The following INHBB variants were observed in gnomAD, a reference collection of about 807,000 sequenced individuals.
The protein encoded by INHBB is inhibin beta B chain.
In INHBB, 8 loss-of-function variants were observed where a neutral mutation model predicts 28.9. The observed-to-expected ratio is 0.28, with a 90% CI of 0.16 to 0.50. The LOEUF (loss-of-function observed/expected upper bound fraction) is 0.50, where lower values mean the gene tolerates loss of function less well. INHBB is among the 20% of genes least tolerant of loss of function. The pLI, the probability that INHBB is intolerant of heterozygous loss-of-function variation, is 0.98. For synonymous variants in INHBB, 293 were observed against 262.7 expected, an observed-to-expected ratio of 1.12 and a Z score of -1.12; for missense variants, 499 against 597.8, an observed-to-expected ratio of 0.83 and a Z score of 1.72.
intron 1 of INHBB, 123 bp downstream of exon 1, chr2:120,346,759 C>G: frequency 1.0e-6 from 1 of 993,034 alleles, no homozygotes; most frequent in South Asian, 2.2e-5. Flanking sequence ...CCTGGACTCC[C>G]GGCAGAGCTC....
In INHBB at chr2:120,351,159, G is replaced by A. The variant is rs1401625016; in HGVS notation, c.*1285G>A. 2.0e-5 allele frequency: 3 copies of A among 152,658 alleles called. No individual in the cohort carries two copies. Among genetic ancestry groups the A allele is most frequent in the African/African-American group, 7.2e-5 (3 of 41,448 alleles). The allele number at this position is 152,658 out of a possible 1,614,324, so 9.5% of individuals were successfully genotyped here. On this transcript the variant is annotated 3_prime_UTR_variant, in exon 2 of 2. Transcript: ENST00000295228. The stretch of plus-strand genomic sequence containing the variant: ...CTGCGTGTGTCCAGAAGTGGCCCTT[G>A]GCCGAGCGCCGAACTCGCTCGCCCT...
intron 1 of INHBB, among the ~76,000 whole-genome samples, chr2:120,346,847 A>T (rs1691165030): frequency 6.6e-6 from 1 of 152,040 alleles, no homozygotes; most frequent in African/African-American, 2.4e-5. Flanking sequence ...CTGCTGCCTC[A>T]ACCCCCCGCC....
At position 120,349,733 on chromosome 2, in the gene INHBB, G is replaced by A. The variant is rs780277529; in HGVS notation, c.1083G>A (p.Arg361=). ...HTAVVNQYRM[R]GLNPGTVNSC... is the part of the protein sequence containing the mutation. ...CTGTGGTGAACCAGTACCGCATGCG[G>A]GGTCTGAACCCCGGCACGGTGAACT... The change falls in exon 2 of 2, where the codon CGG becomes CGA. Residue 361 remains arginine, a synonymous_variant. Coordinates refer to ENST00000295228, the MANE Select transcript of INHBB (RefSeq NM_002193.4). This position sits in a 1 kb window ranked among gnomAD's most constrained non-coding sequence, Gnocchi z 5.6. 1.2e-6 allele frequency: 2 copies of A among 1,613,792 alleles called. No homozygotes were observed. Among genetic ancestry groups the A allele is most frequent in the South Asian group, 2.2e-5 (2 of 91,086 alleles).
rs1354299990 is a variant in INHBB, at chr2:120,346,167, C to T, written c.-22C>T. The T allele has an allele frequency of 8.8e-7, 1 of 1,137,608 alleles. No individual in the cohort carries two copies. 70.5% of individuals were successfully genotyped at this position (1,137,608 alleles called of 1,614,324 possible). On this transcript the variant is annotated 5_prime_UTR_variant, in exon 1 of 2. Transcript: ENST00000295228. Reference sequence around the variant, plus strand: ...GACTCGGCTCGCCTCGCGGCGGGCGCCCTCGTCGCCAGCGGCGCACCATGG... The same window carrying T: ...GACTCGGCTCGCCTCGCGGCGGGCGTCCTCGTCGCCAGCGGCGCACCATGG...
chr2:120,346,675 T>C (rs748479413), intron 1 of INHBB, 39 bp downstream of exon 1: 1 of 1,385,586 alleles, frequency 7.2e-7, no homozygotes, highest in Admixed American at 3.5e-5. Flanking sequence ...CGGTCCCCGC[T>C]CGCTCCCGCT....
chr2:120,346,328 C>G lies in INHBB; in HGVS notation c.140C>G (p.Ser47Cys). 1 of 1,390,448 alleles carries G rather than the reference C, an allele frequency of 7.2e-7. No homozygotes were observed. Among genetic ancestry groups the G allele is most frequent in the Non-Finnish European group, 9.3e-7 (1 of 1,078,752 alleles). The allele number at this position is 1,390,448 out of a possible 1,614,324, so 86.1% of individuals were successfully genotyped here. ...CCGCCGCCACCCCCGCCACCCGGAT[C>G]CCCGGGTGGCTCGCAGGACACCTGT... ...AAPPPPPPPGSPGGSQDTCTS... is the reference protein window; with the variant it reads ...AAPPPPPPPGCPGGSQDTCTS... Residue 47 changes from serine (S) to cysteine (C), a missense_variant, in exon 1 of 2, where the codon TCC becomes TGC. Ser to Cys is a moderately radical substitution (Grantham distance 112). Coordinates refer to ENST00000295228, the MANE Select transcript of INHBB (RefSeq NM_002193.4).
intron 1 of INHBB, among the ~76,000 whole-genome samples, chr2:120,347,395 G>GC (rs11354431): frequency 0.032 from 4,193 of 130,488 alleles, 85 homozygotes; most frequent in East Asian, 0.065. Context: ...TCTGGAATCC[G>GC]CCCCCCCCCC....
chr2:120,349,908 G>T lies in INHBB; in HGVS notation c.*34G>T. ...GGCAGGGGCACGGTGGTGGGGCACG[G>T]AGGGCAGTCCCGGGTGGGCTTCTTC... On this transcript the variant is annotated 3_prime_UTR_variant, in exon 2 of 2. Transcript: ENST00000295228. This position sits in a 1 kb window ranked among gnomAD's most constrained non-coding sequence, Gnocchi z 5.6. The T allele has an allele frequency of 1.3e-6, 2 of 1,582,482 alleles. No individual in the cohort carries two copies. Among genetic ancestry groups the T allele is most frequent in the South Asian group, 1.2e-5 (1 of 85,944 alleles).
In INHBB at chr2:120,349,959, CGGT is replaced by C. The variant is rs1691231871; in HGVS notation, c.*88_*90del. The C allele has an allele frequency of 7.4e-7, 1 of 1,351,280 alleles. No individual in the cohort carries two copies. The highest frequency in any genetic ancestry group is 2.0e-5 in the Admixed American group (1 of 48,922). The allele number at this position is 1,351,280 out of a possible 1,614,324, so 83.7% of individuals were successfully genotyped here. On this transcript the variant is annotated 3_prime_UTR_variant, in exon 2 of 2. Transcript: ENST00000295228. This position sits in a 1 kb window ranked among gnomAD's most constrained non-coding sequence, Gnocchi z 5.6. Reference sequence around the variant, plus strand: ...CAGCCCCCGCGGGAACGGGGGTACACGGTGGGCTGAGTACAGTCATTCTGTTGG... The same window carrying C: ...CAGCCCCCGCGGGAACGGGGGTACACGGGCTGAGTACAGTCATTCTGTTGG...
chr2:120,346,550 T>C lies in INHBB; in HGVS notation c.362T>C (p.Val121Ala). 6.6e-7 allele frequency: 1 copy of C among 1,511,546 alleles called. No homozygotes were observed. The highest frequency in any genetic ancestry group is 8.8e-7 in the Non-Finnish European group (1 of 1,136,936). The allele number at this position is 1,511,546 out of a possible 1,614,324, so 93.6% of individuals were successfully genotyped here. ...GGCAAGGTGCGCGAGGACGGCCGCG[T>C]GGAGATCCCGCACCTCGACGGCCAC... Reference protein sequence around the residue: ...HAGKVREDGRVEIPHLDGHAS... With the variant: ...HAGKVREDGRAEIPHLDGHAS... Residue 121 changes from valine to alanine, a missense_variant, in exon 1 of 2, where the codon GTG becomes GCG. This residue lies in a region of INHBB where 385 missense variants were observed against 415.2 expected (regional missense o/e 0.93). Coordinates refer to ENST00000295228, the MANE Select transcript of INHBB (RefSeq NM_002193.4).
intron 1 of INHBB, among the ~76,000 whole-genome samples, chr2:120,346,861 G>A (rs1691165424): frequency 6.6e-6 from 1 of 152,200 alleles, no homozygotes; most frequent in Admixed American, 6.5e-5. Flanking sequence ...CCCCGCCGCC[G>A]ATCGCCTGGC....
intron 1 of INHBB, among the ~76,000 whole-genome samples, 195 bp downstream of exon 1, chr2:120,346,831 C>G (rs953115757): frequency 2.0e-5 from 3 of 152,216 alleles, no homozygotes; most frequent in African/African-American, 7.2e-5. Flanking sequence ...GGCCGCAGAC[C>G]CTTGCCTGCT....
chr2:120,349,983 G>T lies in INHBB; in HGVS notation c.*109G>T, dbSNP rs1251756787. On this transcript the variant is annotated 3_prime_UTR_variant, in exon 2 of 2. Transcript: ENST00000295228. This position sits in a 1 kb window ranked among gnomAD's most constrained non-coding sequence, Gnocchi z 5.6. ...ACGGTGGGCTGAGTACAGTCATTCTGTTGGGCTGTGGAGATAGTGCCAGGG... is the reference window on the plus strand; with the variant it reads ...ACGGTGGGCTGAGTACAGTCATTCTTTTGGGCTGTGGAGATAGTGCCAGGG... 1.8e-6 allele frequency: 2 copies of T among 1,117,600 alleles called. No homozygotes were observed. Among genetic ancestry groups the T allele is most frequent in the Non-Finnish European group, 2.5e-6 (2 of 786,302 alleles). 69.2% of individuals were successfully genotyped at this position (1,117,600 alleles called of 1,614,324 possible).
rs1049976938 is a variant in INHBB, at chr2:120,349,929, T to G, written c.*55T>G. The G allele has an allele frequency of 1.3e-6, 2 of 1,549,648 alleles. No homozygotes were observed. Among genetic ancestry groups the G allele is most frequent in the Non-Finnish European group, 1.8e-6 (2 of 1,139,870 alleles). On this transcript the variant is annotated 3_prime_UTR_variant, in exon 2 of 2. Transcript: ENST00000295228. This position sits in a 1 kb window ranked among gnomAD's most constrained non-coding sequence, Gnocchi z 5.6. ...CACGGAGGGCAGTCCCGGGTGGGCTTCTTCCAGCCCCCGCGGGAACGGGGG... is the reference window on the plus strand; with the variant it reads ...CACGGAGGGCAGTCCCGGGTGGGCTGCTTCCAGCCCCCGCGGGAACGGGGG...
chr2:120,351,392 T>TAGC lies in INHBB; in HGVS notation c.*1523_*1525dup, dbSNP rs2104576253. The TAGC allele has an allele frequency of 7.3e-6, 1 of 137,654 alleles. No homozygotes were observed. The highest frequency in any genetic ancestry group is 7.1e-5 in the Admixed American group (1 of 14,078). 8.5% of individuals were successfully genotyped at this position (137,654 alleles called of 1,614,324 possible). ...GCCATTTGAAAAAAAGTTATTTTTA[T>TAGC]AGCAGCAAAAAAAAAAAAAAAAGAA... is the stretch of plus-strand genomic sequence containing the variant. On this transcript the variant is annotated 3_prime_UTR_variant, in exon 2 of 2. Transcript: ENST00000295228.
chr2:120,346,762 C>T, intron 1 of INHBB, 126 bp downstream of exon 1: 3 of 984,622 alleles, frequency 3.0e-6, no homozygotes, highest in Non-Finnish European at 4.1e-6. Context: ...GGACTCCCGG[C>T]AGAGCTCCTT....
At position 120,346,575 on chromosome 2, in the gene INHBB, C is replaced by G; in HGVS notation, c.387C>G (p.His129Gln). 1.4e-6 allele frequency: 2 copies of G among 1,471,610 alleles called. No homozygotes were observed. Among genetic ancestry groups the G allele is most frequent in the Non-Finnish European group, 1.8e-6 (2 of 1,119,234 alleles). The allele number at this position is 1,471,610 out of a possible 1,614,324, so 91.2% of individuals were successfully genotyped here. A position where few individuals can be genotyped will look rare whatever the true frequency, so the allele number is the denominator to read the frequency against. The change falls in exon 1 of 2, where the codon CAC becomes CAG. Residue 129 changes from histidine to glutamine, a missense_variant. Coordinates refer to ENST00000295228, the MANE Select transcript of INHBB (RefSeq NM_002193.4). ...GRVEIPHLDGHASPGADGQER... is the reference protein window; with the variant it reads ...GRVEIPHLDGQASPGADGQER... Reference sequence around the variant, plus strand: ...TGGAGATCCCGCACCTCGACGGCCACGCCAGCCCGGGCGCCGACGGCCAGG... The same window carrying G: ...TGGAGATCCCGCACCTCGACGGCCAGGCCAGCCCGGGCGCCGACGGCCAGG...
At position 120,350,049 on chromosome 2, in the gene INHBB, A is replaced by G; in HGVS notation, c.*175A>G. On this transcript the variant is annotated 3_prime_UTR_variant, in exon 2 of 2. Coordinates refer to ENST00000295228, the MANE Select transcript of INHBB (RefSeq NM_002193.4). ...TTTTCTACAGCTTCATAGAGCAACC[A>G]GTCAAAACCAGAGCGAGAACCCTCA... is the stretch of plus-strand genomic sequence containing the variant. 1.6e-6 allele frequency: 1 copy of G among 638,594 alleles called. No individual in the cohort carries two copies. The highest frequency in any genetic ancestry group is 2.7e-6 in the Non-Finnish European group (1 of 375,734). 39.6% of individuals were successfully genotyped at this position (638,594 alleles called of 1,614,324 possible). A position where few individuals can be genotyped will look rare whatever the true frequency, so the allele number is the denominator to read the frequency against.
rs1323639757 is a variant in INHBB at position 120,350,071 on chromosome 2, C to G, written c.*197C>G. The G allele has an allele frequency of 1.6e-4, 96 of 593,640 alleles. 1 individual carries two copies. Among genetic ancestry groups the G allele is most frequent in the Non-Finnish European group, 8.8e-6 (3 of 341,584 alleles). 36.8% of individuals were successfully genotyped at this position (593,640 alleles called of 1,614,324 possible). ...ACCAGTCAAAACCAGAGCGAGAACC[C>G]TCAACTGACATGAAATACTTTAAAA... On this transcript the variant is annotated 3_prime_UTR_variant, in exon 2 of 2. Coordinates refer to ENST00000295228, the MANE Select transcript of INHBB (RefSeq NM_002193.4).
Sources: gnomAD v4.1 joint callset for allele counts (sites outside exome capture counted in the v4.1 genomes callset) on GRCh38, gnomAD v4.1.1 for gene constraint, gnomAD v4.1.1 regional missense constraint, Gnocchi (gnomAD v3.1) non-coding constraint, MANE v1.5 for transcripts, NCBI Gene and HGNC (gene_info 2026-07-23, HGNC 2026-07-21) for gene names.